The following BAZ2B variants were observed in gnomAD, a reference collection of about 807,000 sequenced individuals.
The protein encoded by BAZ2B is bromodomain adjacent to zinc finger domain 2B.
A neutral mutation model predicts 246.0 loss-of-function variants in BAZ2B; 91 were observed. The ratio of observed to expected loss-of-function variants is 0.37; its 90% confidence interval spans 0.31 to 0.44. The LOEUF (loss-of-function observed/expected upper bound fraction) is 0.44. Ranked by LOEUF, BAZ2B falls within the 20% of genes least tolerant of loss-of-function variation. BAZ2B has a pLI of 1.00. For synonymous variants in BAZ2B, 855 were observed against 860.0 expected, an observed-to-expected ratio of 0.99 and a Z score of 0.10; for missense variants, 2,332 against 2,533.7, an observed-to-expected ratio of 0.92 and a Z score of 1.71.
intron 34 of BAZ2B, among the ~76,000 whole-genome samples, chr2:159,328,305 A>G (rs1333460295): frequency 6.6e-6 from 1 of 152,156 alleles, no homozygotes; most frequent in Non-Finnish European, 1.5e-5. Context: ...GTACAAATTC[A>G]AAGAGGAACT....
chr2:159,573,456 C>T (rs897161553), intron 1 of BAZ2B, among the ~76,000 whole-genome samples: 1 of 152,124 alleles, frequency 6.6e-6, no homozygotes, highest in Admixed American at 6.5e-5. Context: ...AACTGAATAT[C>T]CACATGTAAA....
chr2:159,447,932 G>A (rs561078741), intron 5 of BAZ2B, among the ~76,000 whole-genome samples: 65 of 152,132 alleles, frequency 4.3e-4, no homozygotes, highest in Non-Finnish European at 8.7e-4. Context: ...GAGACTGCTG[G>A]AAACACAGAG....
At chr2:159,632,644 C>T in the BAZ2B span, among the ~76,000 whole-genome samples, 9 of 152,214 alleles carry the variant, frequency 5.9e-5, no homozygotes, top group East Asian at 3.9e-4. Flanking sequence ...GGAATGTTTA[C>T]GCCTCATATA....
intron 32 of BAZ2B, chr2:159,337,334 C>T: frequency 2.5e-6 from 3 of 1,193,718 alleles, no homozygotes; most frequent in Non-Finnish European, 3.4e-6. Context: ...TTACAAAGCA[C>T]CATGCAAATA....
intron 2 of BAZ2B, among the ~76,000 whole-genome samples, chr2:159,480,535 T>C (rs1383823737): frequency 6.6e-6 from 1 of 152,122 alleles, no homozygotes; most frequent in Non-Finnish European, 1.5e-5. Flanking sequence ...AGAATTAATC[T>C]GAATAATTAT....
At chr2:159,598,867 T>C (rs1691413568) in intron 1 of BAZ2B, among the ~76,000 whole-genome samples, 1 of 151,358 alleles carries the variant, frequency 6.6e-6, no homozygotes, top group South Asian at 2.1e-4. Flanking sequence ...AGTAAATAAA[T>C]AAATAAAATA....
the BAZ2B span, among the ~76,000 whole-genome samples, chr2:159,688,419 A>G: frequency 6.6e-6 from 1 of 152,192 alleles, no homozygotes; most frequent in Admixed American, 6.5e-5. Flanking sequence ...TTAACTTATC[A>G]GTCTCTTTCT....
chr2:159,325,064 ATATATATATATATTATATATATATATATT>A (rs2063357346), intron 35 of BAZ2B, 110 bp from the exon 36 acceptor site: 1 of 1,782 alleles, frequency 5.6e-4, no homozygotes, highest in African/African-American at 1.9e-3. Flanking sequence ...TATATATTAT[ATATATATATATATTATATATATATATATT>A]ATATATATAT....
intron 16 of BAZ2B, among the ~76,000 whole-genome samples, chr2:159,402,846 T>C (rs1263859341): frequency 6.6e-6 from 1 of 152,224 alleles, no homozygotes; most frequent in Non-Finnish European, 1.5e-5. Context: ...GTTAACTTTG[T>C]AATGTTGAGT....
At chr2:159,399,100 C>T (rs1363939485) in intron 17 of BAZ2B, 3 of 415,868 alleles carry the variant, frequency 7.2e-6, no homozygotes, top group South Asian at 1.6e-4. Flanking sequence ...TTAGAATACA[C>T]AAAAATTTCT....
the BAZ2B span, among the ~76,000 whole-genome samples, chr2:159,662,090 A>C: frequency 6.6e-6 from 1 of 152,264 alleles, no homozygotes; most frequent in Non-Finnish European, 1.5e-5. Context: ...AAATGGAATC[A>C]TACAACATGT....
chr2:159,447,811 C>T (rs1167770111), intron 5 of BAZ2B, among the ~76,000 whole-genome samples: 1 of 152,106 alleles, frequency 6.6e-6, no homozygotes, highest in African/African-American at 2.4e-5. Flanking sequence ...TCTAGCATAA[C>T]ACTATAAAAC....
chr2:159,363,842 T>C (rs546031759), intron 27 of BAZ2B, among the ~76,000 whole-genome samples: 7 of 151,858 alleles, frequency 4.6e-5, no homozygotes, highest in Non-Finnish European at 1.0e-4. Context: ...TTGGGAGAGG[T>C]GGAGTCACCA....
At chr2:159,351,690 T>C (rs2058582677) in intron 27 of BAZ2B, among the ~76,000 whole-genome samples, 1 of 152,214 alleles carries the variant, frequency 6.6e-6, no homozygotes, top group Non-Finnish European at 1.5e-5. Flanking sequence ...TTCTGGTCAT[T>C]AGTAAGGCTG....
At chr2:159,617,936 G>A (rs1452473665), upstream of BAZ2B, among the ~76,000 whole-genome samples, 1 of 152,236 alleles carries the variant, frequency 6.6e-6, no homozygotes, top group Non-Finnish European at 1.5e-5. Context: ...TATCTGAAAA[G>A]AAGGCTGCTC....
Position 159,438,563 on chromosome 2 carries a change from T to A in BAZ2B, c.1033A>T (p.Lys345Ter), listed in dbSNP as rs1224213571. 1.2e-6 allele frequency: 2 copies of A among 1,614,160 alleles called. No homozygotes were observed. The highest frequency in any genetic ancestry group is 2.2e-5 in the South Asian group (2 of 91,090). ...TGCTGTGACAAAACCTGAGGCTGCT[T>A]CTGCTGGGATTGGAATGAGTGAGTC... ...SQTHSFQSQQ[K>*]QPQVLSQQLP... Residue 345 changes from lysine (K) to a stop codon, truncating the protein, a stop_gained, in exon 8 of 37, where the codon AAG (lysine) becomes TAG (stop). Transcript: ENST00000392783. LOFTEE classifies it high-confidence loss of function.
At chr2:159,602,424 A>G (rs1692376061) in intron 1 of BAZ2B, among the ~76,000 whole-genome samples, 1 of 152,244 alleles carries the variant, frequency 6.6e-6, no homozygotes, top group South Asian at 2.1e-4. Flanking sequence ...ATCATTATTA[A>G]TTAAATTATA....
At chr2:159,696,697 T>G in the BAZ2B span, among the ~76,000 whole-genome samples, 12 of 152,342 alleles carry the variant, frequency 7.9e-5, no homozygotes, top group African/African-American at 2.9e-4. Flanking sequence ...TAGGATTTAG[T>G]ATGTATTTTT....
intron 2 of BAZ2B, among the ~76,000 whole-genome samples, chr2:159,498,315 A>G (rs770691615): frequency 1.1e-4 from 17 of 152,192 alleles, no homozygotes; most frequent in Non-Finnish European, 2.4e-4. Flanking sequence ...TATAAGTTAA[A>G]TGTAAGCAAA....
Sources: allele counts gnomAD v4.1 joint callset (sites outside exome capture counted in the v4.1 genomes callset), GRCh38; gene constraint gnomAD v4.1.1; transcripts MANE v1.5; gene names NCBI Gene and HGNC (gene_info 2026-07-23, HGNC 2026-07-21).